The following HACE1 variants were observed in gnomAD, a reference collection of about 807,000 sequenced individuals.
HACE1 encodes HECT domain and ankyrin repeat containing E3 ubiquitin protein ligase 1, also known as E3 ubiquitin-protein ligase HACE1.
A neutral mutation model predicts 118.4 loss-of-function variants in HACE1; 73 were observed. The ratio of observed to expected loss-of-function variants is 0.62; its 90% CI spans 0.51 to 0.75. The LOEUF (loss-of-function observed/expected upper bound fraction) is 0.75. Among genes scored for constraint, HACE1 ranks in the 30% least tolerant of loss-of-function variants. The probability of loss-of-function intolerance (pLI) is 0.00; values close to 1 mark genes in which losing one functional copy is unlikely to be tolerated. For synonymous variants in HACE1, 368 were observed against 374.8 expected, an observed-to-expected ratio of 0.98 and a Z score of 0.21; for missense variants, 749 against 1,102.2, an observed-to-expected ratio of 0.68 and a Z score of 4.54.
In HACE1 at chr6:104,728,669, A is replaced by G. The variant is rs1774893754; in HGVS notation, c.*993T>C. 6.6e-6 allele frequency: 1 copy of G among 152,184 alleles called. No individual in the cohort carries two copies. The highest frequency in any genetic ancestry group is 6.5e-5 in the Admixed American group (1 of 15,276). The allele number at this position is 152,184 out of a possible 1,614,324, so 9.4% of individuals were successfully genotyped here. On this transcript the variant is annotated 3_prime_UTR_variant, in exon 24 of 24. Coordinates refer to ENST00000262903, the MANE Select transcript of HACE1 (RefSeq NM_020771.4). ...CATTTCTTCGTGTATGCATGTTCCTACTTCCTGTTCAAACATATGCTGTAA... is the reference window on the plus strand; with the variant it reads ...CATTTCTTCGTGTATGCATGTTCCTGCTTCCTGTTCAAACATATGCTGTAA...
chr6:104,777,317 G>A lies in HACE1; in HGVS notation c.1567C>T (p.Pro523Ser), dbSNP rs1278401918. Reference sequence around the variant, plus strand: ...AACCATTCACAGCGATCTTTAAAAGGCTAGCTCAAAAAATAAGAGTAAAAT... The same window carrying A: ...AACCATTCACAGCGATCTTTAAAAGACTAGCTCAAAAAATAAGAGTAAAAT... Reference protein sequence around the residue: ...SRFMHIIKAQPFKDRCEWFYE... With the variant: ...SRFMHIIKAQSFKDRCEWFYE... The change falls in exon 15 of 24, where the codon CCT becomes TCT. Residue 523 changes from proline (P) to serine (S), a missense_variant and splice_region_variant. Physicochemically the swap from Pro to Ser is moderately conservative, Grantham distance 74. Coordinates refer to ENST00000262903, the MANE Select transcript of HACE1 (RefSeq NM_020771.4). The A allele has an allele frequency of 6.3e-7, 1 of 1,589,746 alleles. No individual in the cohort carries two copies. Among genetic ancestry groups the A allele is most frequent in the African/African-American group, 1.3e-5 (1 of 74,478 alleles).
intron 11 of HACE1, among the ~76,000 whole-genome samples, chr6:104,790,208 A>G (rs1342380812): frequency 6.6e-6 from 1 of 152,142 alleles, no homozygotes; most frequent in Non-Finnish European, 1.5e-5. Flanking sequence ...AACCTTTCTA[A>G]AAGACTACCA....
intron 11 of HACE1, among the ~76,000 whole-genome samples, chr6:104,790,048 T>A (rs979584261): frequency 1.3e-4 from 20 of 151,192 alleles, no homozygotes; most frequent in African/African-American, 4.9e-4. Flanking sequence ...ACTTCATTCT[T>A]CCAGGAGGTG....
intron 21 of HACE1, 96 bp downstream of exon 21, chr6:104,744,416 T>G (rs1263628902): frequency 1.2e-6 from 1 of 838,220 alleles, no homozygotes; most frequent in African/African-American, 1.7e-5. Context: ...CACTTTACTT[T>G]GTTAATTAAT....
At chr6:104,855,131 T>C (rs2114369398) in intron 1 of HACE1, among the ~76,000 whole-genome samples, 1 of 152,314 alleles carries the variant, frequency 6.6e-6, no homozygotes, top group Middle Eastern at 3.4e-3. Flanking sequence ...ATTATGTGGC[T>C]GATTCCAGAG....
intron 14 of HACE1, among the ~76,000 whole-genome samples, chr6:104,777,960 T>C (rs945159399): frequency 3.3e-5 from 5 of 152,126 alleles, no homozygotes; most frequent in Admixed American, 2.6e-4. Flanking sequence ...GGTTTCACCA[T>C]GTTAGCCAGG....
chr6:104,766,798 T>C (rs959462833), intron 19 of HACE1: 1 of 152,164 alleles, frequency 6.6e-6, no homozygotes, highest in African/African-American at 2.4e-5. Context: ...AGAAATGCAG[T>C]GTTGTAGTTA....
At chr6:104,752,848 T>C (rs1778208832) in intron 19 of HACE1, among the ~76,000 whole-genome samples, 1 of 152,202 alleles carries the variant, frequency 6.6e-6, no homozygotes, top group Admixed American at 6.5e-5. Flanking sequence ...TCATAGTTAT[T>C]GATACCAATT....
chr6:104,793,302 A>C (rs1783262658), intron 10 of HACE1, among the ~76,000 whole-genome samples: 1 of 151,850 alleles, frequency 6.6e-6, no homozygotes, highest in South Asian at 2.1e-4. Flanking sequence ...TTCCTAACTC[A>C]AACCCCTATC....
intron 6 of HACE1, among the ~76,000 whole-genome samples, chr6:104,811,719 AG>A (rs978169914): frequency 6.6e-6 from 1 of 152,178 alleles, no homozygotes; most frequent in African/African-American, 2.4e-5. Context: ...AGTACAGCTA[AG>A]GAACTAAAAT....
chr6:104,799,833 T>C (rs1325424280), intron 7 of HACE1, among the ~76,000 whole-genome samples: 2 of 152,172 alleles, frequency 1.3e-5, no homozygotes, highest in Non-Finnish European at 2.9e-5. Context: ...ACGGGTGATT[T>C]CTGCATTTCC....
intron 19 of HACE1, among the ~76,000 whole-genome samples, chr6:104,769,351 A>G (rs1780372995): frequency 6.6e-6 from 1 of 152,172 alleles, no homozygotes; most frequent in Admixed American, 6.6e-5. Context: ...TATATCTGAA[A>G]GGAGTGACAA....
intron 23 of HACE1, 24 bp from the exon 24 acceptor site, chr6:104,729,788 A>G: frequency 1.1e-6 from 1 of 943,174 alleles, no homozygotes; most frequent in Non-Finnish European, 1.7e-6. Flanking sequence ...ATATACCACC[A>G]TTAAACAGGA....
rs576063651 is a variant in HACE1 at position 104,806,892 on chromosome 6, G to T, written c.617+4419C>A. Among the ~76,000 whole-genome samples, 4 of 152,110 alleles carry T rather than the reference G, an allele frequency of 2.6e-5. No individual in the cohort carries two copies. The South Asian group carries it at 8.3e-4, about 32-fold the overall frequency. On this transcript the variant is annotated intron_variant, in intron 7 of 23. Coordinates refer to ENST00000262903, the MANE Select transcript of HACE1 (RefSeq NM_020771.4). ...TGGACTCTTTCATCCTTATAAATTT[G>T]AGAATTTGGCATAAGTATAAATAGT... is the stretch of plus-strand genomic sequence containing the variant.
At chr6:104,838,727 C>T (rs536224568) in intron 5 of HACE1, among the ~76,000 whole-genome samples, 35 of 151,180 alleles carry the variant, frequency 2.3e-4, no homozygotes, top group Non-Finnish European at 4.9e-4. Flanking sequence ...AAAGCAAAAA[C>T]GGACAAATAG....
At chr6:104,856,236 A>G (rs1341615125) in intron 1 of HACE1, among the ~76,000 whole-genome samples, 2 of 152,200 alleles carry the variant, frequency 1.3e-5, no homozygotes, top group Non-Finnish European at 2.9e-5. Context: ...CCAACTGTTA[A>G]CAAAAAAAAG....
rs1379657076 is a variant in HACE1, at chr6:104,811,306, C to T, written c.617+5G>A. On this transcript the variant is annotated splice_donor_5th_base_variant and intron_variant, in intron 7 of 23. Transcript: ENST00000262903. ...TATAGCATCTGGAAATATAAAATAT[C>T]ATACCTGCAAGCAAAGTACAATGGA... 4.6e-6 allele frequency: 5 copies of T among 1,080,240 alleles called. No homozygotes were observed. The highest frequency in any genetic ancestry group is 7.0e-6 in the Non-Finnish European group (5 of 713,976). The allele number at this position is 1,080,240 out of a possible 1,614,324, so 66.9% of individuals were successfully genotyped here.
At position 104,730,371 on chromosome 6, in the gene HACE1, A is replaced by G. The variant is rs754508303; in HGVS notation, c.2559T>C (p.Ser853=). ...CAGCGATTGTAAAGTTTTGCAATCC[A>G]CTTCCACCCATGATATTAGCAAACC... ...HGGFANIMGG[S]GLQNFTIAAV... The change falls in exon 23 of 24, where the codon AGT becomes AGC. Residue 853 remains serine, a synonymous_variant. Transcript: ENST00000262903. The G allele has an allele frequency of 4.3e-5, 69 of 1,601,278 alleles. No individual in the cohort carries two copies. Among genetic ancestry groups the G allele is most frequent in the Non-Finnish European group, 5.6e-5 (66 of 1,168,342 alleles).
chr6:104,814,263 C>T lies in HACE1; in HGVS notation c.535-2870G>A, dbSNP rs933276020. ...GTCTATTAAATCAAAAGACCTTCAA[C>T]GAGGCATGTCAAAGTGAAATTTCAT... On this transcript the variant is annotated intron_variant, in intron 6 of 23. Coordinates refer to ENST00000262903, the MANE Select transcript of HACE1 (RefSeq NM_020771.4). 2.2e-5 allele frequency among the ~76,000 whole-genome samples: 3 copies of T among 137,394 alleles called. 1 individual carries two copies. Among genetic ancestry groups the T allele is most frequent in the African/African-American group, 5.8e-5 (2 of 34,248 alleles). The allele number at this position is 137,394 out of a possible 152,430, so 90.1% of individuals were successfully genotyped here.
Sources: gnomAD v4.1 joint callset for allele counts (sites outside exome capture counted in the v4.1 genomes callset) on GRCh38, gnomAD v4.1.1 for gene constraint, MANE v1.5 for transcripts, NCBI Gene and HGNC (gene_info 2026-07-23, HGNC 2026-07-21) for gene names.